BICRAL: variants seen among roughly 807,000 people sequenced by gnomAD.
BICRAL encodes the protein BICRA like chromatin remodeling complex associated protein.
In BICRAL, 8 loss-of-function variants were observed where a neutral mutation model predicts 91.8. That is an observed-to-expected ratio of 0.09 (90% confidence interval 0.05 to 0.16). The LOEUF (loss-of-function observed/expected upper bound fraction) is 0.16. Ranked by LOEUF, BICRAL falls within the 10% of genes least tolerant of loss-of-function variation. BICRAL has a pLI of 1.00. For synonymous variants in BICRAL, 445 were observed against 491.1 expected (o/e 0.91, Z 1.24); for missense variants, 1,038 against 1,310.9 (o/e 0.79, Z 3.21).
intron 2 of BICRAL, among the ~76,000 whole-genome samples, chr6:42,814,525 T>A (rs1191877082): frequency 0.02 from 1,284 of 65,002 alleles, 14 homozygotes; most frequent in East Asian, 0.052. Flanking sequence ...ATATATTTTT[T>A]TTTTTTTTTT....
intron 6 of BICRAL, among the ~76,000 whole-genome samples, chr6:42,837,659 G>A (rs1764681744): frequency 6.6e-6 from 1 of 151,860 alleles, no homozygotes; most frequent in Non-Finnish European, 1.5e-5. Context: ...GGCTGAGACA[G>A]GAGAATTGCT....
intron 1 of BICRAL, among the ~76,000 whole-genome samples, chr6:42,782,356 GTTT>G: frequency 1.6e-5 from 1 of 64,446 alleles, no homozygotes; most frequent in East Asian, 4.3e-4. Context: ...GGGGGGGTGG[GTTT>G]GTGGGTGGGT....
At chr6:42,811,999 T>G (rs79107004) in intron 2 of BICRAL, among the ~76,000 whole-genome samples, 1 of 152,336 alleles carries the variant, frequency 6.6e-6, no homozygotes, top group Non-Finnish European at 1.5e-5. Context: ...GTAACTTAAC[T>G]GTGTCCTAGA....
At chr6:42,845,480 C>T (rs577643246) in intron 6 of BICRAL, among the ~76,000 whole-genome samples, 14 of 151,740 alleles carry the variant, frequency 9.2e-5, no homozygotes, top group African/African-American at 3.4e-4. Context: ...AGAAACTCCC[C>T]GTAACATGTT....
At chr6:42,802,428 T>TGTTGTTGTTG (rs142098476) in intron 1 of BICRAL, among the ~76,000 whole-genome samples, 109 of 104,044 alleles carry the variant, frequency 1.0e-3, no homozygotes, top group African/African-American at 2.8e-3. Flanking sequence ...CGTGTTTTTT[T>TGTTGTTGTTG]TTGTTGTTGT....
At chr6:42,779,888 T>C (rs1397033693), upstream of BICRAL, among the ~76,000 whole-genome samples, 4 of 152,242 alleles carry the variant, frequency 2.6e-5, no homozygotes, top group East Asian at 5.8e-4. Context: ...CCCAAAGGGA[T>C]TGCAAGCGTG....
intron 1 of BICRAL, among the ~76,000 whole-genome samples, chr6:42,751,195 A>G (rs1007362927): frequency 1.3e-5 from 2 of 150,670 alleles, no homozygotes; most frequent in African/African-American, 4.9e-5. Flanking sequence ...TATTTGAAAG[A>G]TGTGGTCAGC....
intron 6 of BICRAL, among the ~76,000 whole-genome samples, chr6:42,845,195 G>GTTTTGTTTTTTT: frequency 3.9e-5 from 1 of 25,568 alleles, no homozygotes; most frequent in Non-Finnish European, 8.5e-5. Context: ...TTTTTTGGGT[G>GTTTTGTTTTTTT]TTTTTTTTTT....
intron 2 of BICRAL, among the ~76,000 whole-genome samples, chr6:42,818,355 T>TA (rs957499356): frequency 4.6e-5 from 7 of 152,166 alleles, no homozygotes; most frequent in Admixed American, 2.6e-4. Context: ...TGGATCCTGA[T>TA]AAAAAAATTT....
chr6:42,769,800 C>T (rs1762692762), intron 1 of BICRAL, among the ~76,000 whole-genome samples: 1 of 152,202 alleles, frequency 6.6e-6, no homozygotes, highest in African/African-American at 2.4e-5. Context: ...TTAAAGATCA[C>T]CACCACAGTA....
chr6:42,831,943 C>T lies in BICRAL; in HGVS notation c.1839+1771C>T, dbSNP rs1372455564. Among the ~76,000 whole-genome samples, 35 of 151,664 alleles carry T rather than the reference C, an allele frequency of 2.3e-4. 1 individual carries two copies. The highest frequency in any genetic ancestry group is 1.9e-3 in the Admixed American group (29 of 15,234). Reference sequence around the variant, plus strand: ...TTTGATAGGCAGGGTTTCACCATGTCGCCCAGGCTGGTCTCGAACTCCTGG... The same window carrying T: ...TTTGATAGGCAGGGTTTCACCATGTTGCCCAGGCTGGTCTCGAACTCCTGG... On this transcript the variant is annotated intron_variant, in intron 6 of 12. Coordinates refer to ENST00000314073, the MANE Select transcript of BICRAL (RefSeq NM_001393499.1).
At chr6:42,840,999 C>T (rs1259480553) in intron 6 of BICRAL, among the ~76,000 whole-genome samples, 2 of 148,130 alleles carry the variant, frequency 1.4e-5, no homozygotes, top group Non-Finnish European at 3.0e-5. Context: ...AGCTTTAACC[C>T]AGGAGGCAGA....
chr6:42,757,548 G>A (rs1482437141), intron 1 of BICRAL, among the ~76,000 whole-genome samples: 5 of 152,084 alleles, frequency 3.3e-5, no homozygotes, highest in African/African-American at 7.2e-5. Context: ...CACCATGCCC[G>A]GCTAATTTTT....
chr6:42,771,211 T>G (rs1006097393), intron 1 of BICRAL, among the ~76,000 whole-genome samples: 1 of 152,236 alleles, frequency 6.6e-6, no homozygotes, highest in Non-Finnish European at 1.5e-5. Flanking sequence ...TGGCGGGTGT[T>G]GCAGGCAGGT....
At chr6:42,858,046 G>A (rs1765440786) in intron 10 of BICRAL, among the ~76,000 whole-genome samples, 1 of 148,402 alleles carries the variant, frequency 6.7e-6, no homozygotes, top group Admixed American at 6.9e-5. Flanking sequence ...CCTGACCTCA[G>A]GTGATTGGCC....
chr6:42,748,104 CTTTTT>C (rs35511368), intron 1 of BICRAL, among the ~76,000 whole-genome samples: 1 of 124,570 alleles, frequency 8.0e-6, no homozygotes, highest in East Asian at 2.2e-4. Flanking sequence ...GTGCCTGGCC[CTTTTT>C]TTTTTTTTTT....
intron 1 of BICRAL, among the ~76,000 whole-genome samples, chr6:42,787,682 A>C (rs1439387633): frequency 6.6e-6 from 1 of 152,194 alleles, no homozygotes; most frequent in Admixed American, 6.5e-5. Flanking sequence ...GAGAAGTTAC[A>C]CAATGAGAAT....
Position 42,860,303 on chromosome 6 carries a change from A to G in BICRAL, c.2296A>G (p.Arg766Gly). ...GACAGTTGCCACTCAGCTCCTAAAAAGGACCCAAGCTATGCTTAACAAATA... is the reference window on the plus strand; with the variant it reads ...GACAGTTGCCACTCAGCTCCTAAAAGGGACCCAAGCTATGCTTAACAAATA... ...FETVATQLLK[R>G]TQAMLNKYRC... Residue 766 changes from arginine to glycine, a missense_variant, in exon 11 of 13, where the codon AGG becomes GGG. Arg to Gly is a moderately radical substitution (Grantham distance 125). Coordinates refer to ENST00000314073, the MANE Select transcript of BICRAL (RefSeq NM_001393499.1). The G allele has an allele frequency of 6.2e-7, 1 of 1,611,148 alleles. No individual in the cohort carries two copies. The highest frequency in any genetic ancestry group is 1.1e-5 in the South Asian group (1 of 90,992).
intron 1 of BICRAL, among the ~76,000 whole-genome samples, chr6:42,792,923 GAAAA>G (rs1169516148): frequency 6.7e-6 from 1 of 148,974 alleles, no homozygotes; most frequent in African/African-American, 2.5e-5. Flanking sequence ...CAAAGAAAAA[GAAAA>G]AAAGGAGAAA....
Sources: gnomAD v4.1 joint callset for allele counts (sites outside exome capture counted in the v4.1 genomes callset) on GRCh38, gnomAD v4.1.1 for gene constraint, MANE v1.5 for transcripts, NCBI Gene and HGNC (gene_info 2026-07-23, HGNC 2026-07-21) for gene names.